Variants in SLC2A13 observed in about 807,000 individuals in gnomAD.
SLC2A13 encodes proton myo-inositol cotransporter.
A neutral mutation model predicts 64.4 loss-of-function variants in SLC2A13; 32 were observed. That is an observed-to-expected ratio of 0.50 (90% confidence interval 0.37 to 0.67). SLC2A13 has a LOEUF of 0.67. Among genes scored for constraint, SLC2A13 ranks in the 30% least tolerant of loss-of-function variants. The probability of loss-of-function intolerance (pLI) is 0.00; values close to 1 mark genes in which losing one functional copy is unlikely to be tolerated. For synonymous variants in SLC2A13, 338 were observed against 327.1 expected (o/e 1.03, Z -0.36); for missense variants, 743 against 829.2 (o/e 0.90, Z 1.28).
intron 3 of SLC2A13, among the ~76,000 whole-genome samples, chr12:39,988,683 GAGGGAGGGAGGAAGGAAGGAAGGAAGGA>G (rs1183051869): frequency 1.0e-5 from 1 of 95,686 alleles, no homozygotes; most frequent in Non-Finnish European, 2.1e-5. Flanking sequence ...GGGAAGAAGG[GAGGGAGGGAGGAAGGAAGGAAGGAAGGA>G]AGGAAGGAAG....
rs566696710 is a variant in SLC2A13, at chr12:40,068,140, C to T, written c.557-19930G>A. 1.4e-4 allele frequency: 29 copies of T among 209,692 alleles called. No individual in the cohort carries two copies. In the South Asian group the frequency reaches 1.5e-3, roughly 11 times the overall value. 13.0% of individuals were successfully genotyped at this position (209,692 alleles called of 1,614,324 possible). A position where few individuals can be genotyped will look rare whatever the true frequency, so the allele number is the denominator to read the frequency against. On this transcript the variant is annotated intron_variant, in intron 1 of 9. Coordinates refer to ENST00000280871, the MANE Select transcript of SLC2A13 (RefSeq NM_052885.4). ...GCCCAGGGTGGTCTCCAACTACTGG[C>T]CTCAAGTGATCCTCCCACCTCAGCA...
At chr12:39,816,700 T>C (rs996106906) in intron 7 of SLC2A13, among the ~76,000 whole-genome samples, 1 of 151,832 alleles carries the variant, frequency 6.6e-6, no homozygotes, top group Non-Finnish European at 1.5e-5. Flanking sequence ...AATAAAACAC[T>C]AGGATGAAAA....
intron 7 of SLC2A13, among the ~76,000 whole-genome samples, chr12:39,766,378 A>C (rs1393669064): frequency 6.6e-6 from 1 of 152,090 alleles, no homozygotes; most frequent in East Asian, 1.9e-4. Flanking sequence ...ATTGTCTAAA[A>C]ATGTACAAAC....
chr12:39,947,166 C>T (rs1319219617), intron 4 of SLC2A13, among the ~76,000 whole-genome samples: 1 of 152,210 alleles, frequency 6.6e-6, no homozygotes, highest in South Asian at 2.1e-4. Context: ...GGCAATATTA[C>T]TCTGCAAGGA....
intron 1 of SLC2A13, among the ~76,000 whole-genome samples, chr12:40,062,667 T>C (rs2136254965): frequency 6.6e-6 from 1 of 152,260 alleles, no homozygotes; most frequent in South Asian, 2.1e-4. Context: ...TTTCCATGTT[T>C]AAAAGAAAAG....
chr12:39,904,713 C>A (rs1327875290), intron 4 of SLC2A13, among the ~76,000 whole-genome samples: 2 of 152,098 alleles, frequency 1.3e-5, no homozygotes, highest in East Asian at 3.9e-4. Flanking sequence ...TTGCTGCAAC[C>A]AAGTAAACTA....
intron 7 of SLC2A13, among the ~76,000 whole-genome samples, chr12:39,765,785 G>A (rs11173494): frequency 0.13 from 20,331 of 151,988 alleles, 1,634 homozygotes; most frequent in East Asian, 0.39. Flanking sequence ...TGTTACATAG[G>A]TAAATGCGTG....
At chr12:39,799,606 G>A (rs1295161748) in intron 7 of SLC2A13, among the ~76,000 whole-genome samples, 2 of 152,110 alleles carry the variant, frequency 1.3e-5, no homozygotes, top group Admixed American at 1.3e-4. Context: ...CAAACCAGGG[G>A]TTAGCTAAAA....
At chr12:39,954,254 A>C (rs2132747) in intron 3 of SLC2A13, among the ~76,000 whole-genome samples, 29,958 of 152,166 alleles carry the variant, frequency 0.2, 3,339 homozygotes, top group Middle Eastern at 0.27. Flanking sequence ...CCAGGCAGAC[A>C]TTGGTGTTTC....
intron 4 of SLC2A13, 69 bp downstream of exon 4, chr12:39,951,188 T>A (rs962543988): frequency 1.5e-6 from 2 of 1,362,442 alleles, no homozygotes; most frequent in African/African-American, 2.9e-5. Flanking sequence ...CATGAAATAC[T>A]TTTCACTATT....
At chr12:39,870,540 G>A (rs1944020463) in intron 5 of SLC2A13, among the ~76,000 whole-genome samples, 1 of 152,130 alleles carries the variant, frequency 6.6e-6, no homozygotes, top group Non-Finnish European at 1.5e-5. Flanking sequence ...GTAGGCTTCT[G>A]CCTTTAGTCT....
intron 3 of SLC2A13, among the ~76,000 whole-genome samples, chr12:39,970,400 G>T (rs1565568233): frequency 1.3e-5 from 2 of 152,030 alleles, no homozygotes; most frequent in Non-Finnish European, 2.9e-5. Context: ...ACTCTACTTG[G>T]TAATACCAAC....
Position 39,756,303 on chromosome 12 carries a change from A to C in SLC2A13, c.*3723T>G, listed in dbSNP as rs551799543. The C allele has an allele frequency of 6.6e-6, 1 of 152,022 alleles. No homozygotes were observed. Among genetic ancestry groups the C allele is most frequent in the Non-Finnish European group, 1.5e-5 (1 of 67,764 alleles). 9.4% of individuals were successfully genotyped at this position (152,022 alleles called of 1,614,324 possible). On this transcript the variant is annotated 3_prime_UTR_variant, in exon 10 of 10. Transcript: ENST00000280871. ...TGCTCCTGGTCTGATATAATCATCT[A>C]TTTCTTTTACTCATAGATACTGAAA... is the stretch of plus-strand genomic sequence containing the variant.
intron 4 of SLC2A13, among the ~76,000 whole-genome samples, chr12:39,895,397 G>A (rs1436097240): frequency 2.0e-5 from 3 of 149,632 alleles, no homozygotes; most frequent in Non-Finnish European, 4.4e-5. Context: ...GGCTGAGGCA[G>A]GAGAATGGCC....
intron 3 of SLC2A13, among the ~76,000 whole-genome samples, chr12:40,006,132 G>T (rs1947414593): frequency 6.6e-6 from 1 of 152,104 alleles, no homozygotes; most frequent in Non-Finnish European, 1.5e-5. Flanking sequence ...TAATACTTAG[G>T]CAAAATACAA....
chr12:40,060,776 G>T (rs1871895), intron 1 of SLC2A13, among the ~76,000 whole-genome samples: 32,878 of 152,040 alleles, frequency 0.22, 4,169 homozygotes, highest in Middle Eastern at 0.34. Flanking sequence ...TAGATAAACA[G>T]TGATCCCAAA....
At chr12:39,975,055 A>C (rs1020714153) in intron 3 of SLC2A13, among the ~76,000 whole-genome samples, 16 of 152,224 alleles carry the variant, frequency 1.1e-4, no homozygotes, top group Non-Finnish European at 2.2e-4. Flanking sequence ...TTTTAATGTT[A>C]CATGAGCAAA....
At chr12:40,014,897 T>C (rs1188748617) in intron 3 of SLC2A13, among the ~76,000 whole-genome samples, 2 of 152,212 alleles carry the variant, frequency 1.3e-5, no homozygotes, top group Non-Finnish European at 2.9e-5. Flanking sequence ...AGAAAACAAA[T>C]GTTTTATGCA....
intron 6 of SLC2A13, among the ~76,000 whole-genome samples, chr12:39,830,726 G>A (rs933220700): frequency 1.3e-5 from 2 of 152,008 alleles, no homozygotes; most frequent in Non-Finnish European, 2.9e-5. Context: ...AAAACATTAT[G>A]TCTAAAGAAA....
Sources: gnomAD v4.1 joint callset for allele counts (sites outside exome capture counted in the v4.1 genomes callset) on GRCh38, gnomAD v4.1.1 for gene constraint, MANE v1.5 for transcripts, NCBI Gene and HGNC (gene_info 2026-07-23, HGNC 2026-07-21) for gene names.